Variants in ZNF536 observed in about 807,000 individuals in gnomAD.
The protein encoded by ZNF536 is zinc finger protein 536.
A neutral mutation model predicts 84.5 loss-of-function variants in ZNF536; 13 were observed. The ratio of observed to expected loss-of-function variants is 0.15; its 90% CI spans 0.10 to 0.24. The LOEUF (loss-of-function observed/expected upper bound fraction) is 0.24, where lower values mean the gene tolerates loss of function less well. Ranked by LOEUF, ZNF536 falls within the 10% of genes least tolerant of loss-of-function variation. The pLI is 1.00. For missense variants in ZNF536, 1,536 were observed against 1,747.5 expected (o/e 0.88, Z 2.16); for synonymous variants, 811 against 742.5 (o/e 1.09, Z -1.50).
intron 1 of ZNF536, among the ~76,000 whole-genome samples, chr19:30,432,848 G>T (rs2051538354): frequency 1.3e-5 from 2 of 152,144 alleles, no homozygotes; most frequent in Non-Finnish European, 2.9e-5. Context: ...TATAGTTGGT[G>T]GCTGCCCTAG....
At chr19:30,559,533 G>A (rs1286261626), downstream of ZNF536, among the ~76,000 whole-genome samples, 4 of 152,196 alleles carry the variant, frequency 2.6e-5, no homozygotes, top group Non-Finnish European at 4.4e-5. Flanking sequence ...TCTGTCCAGG[G>A]CTGAGCACAC....
At chr19:30,666,456 G>GA (rs2050323253) in intron 1 of ZNF536, among the ~76,000 whole-genome samples, 2 of 151,958 alleles carry the variant, frequency 1.3e-5, no homozygotes, top group African/African-American at 2.4e-5. Flanking sequence ...CTCTGCTGGG[G>GA]ATCCCGGCAG....
chr19:30,465,750 ATTATT>A (rs2053359013), intron 2 of ZNF536, among the ~76,000 whole-genome samples: 1 of 151,628 alleles, frequency 6.6e-6, no homozygotes, highest in Non-Finnish European at 1.5e-5. Flanking sequence ...ATTTTATTTT[ATTATT>A]TTATTTTATT....
At chr19:30,565,295 G>A (rs1470336127) in intron 1 of ZNF536, among the ~76,000 whole-genome samples, 3 of 151,990 alleles carry the variant, frequency 2.0e-5, no homozygotes, top group South Asian at 2.1e-4. Flanking sequence ...AGTGAATGAC[G>A]GCTCCATCTA....
intron 1 of ZNF536, among the ~76,000 whole-genome samples, chr19:30,262,543 C>T (rs2025282162): frequency 6.6e-6 from 1 of 152,230 alleles, no homozygotes. Context: ...AGTTATGCCA[C>T]TGCCTCTGCG....
At chr19:30,451,094 G>A (rs1341442727) in intron 2 of ZNF536, among the ~76,000 whole-genome samples, 1 of 152,260 alleles carries the variant, frequency 6.6e-6, no homozygotes, top group African/African-American at 2.4e-5. Context: ...TGAGCTGAGA[G>A]CCGAGAGCTG....
chr19:30,299,913 T>C (rs974491999), intron 2 of ZNF536, among the ~76,000 whole-genome samples: 1 of 152,160 alleles, frequency 6.6e-6, no homozygotes, highest in Non-Finnish European at 1.5e-5. Context: ...TGAAAAATCA[T>C]AAAATGCCTA....
chr19:30,552,468 A>C (rs577103860), intron 4 of ZNF536, among the ~76,000 whole-genome samples: 15 of 152,324 alleles, frequency 9.8e-5, no homozygotes, highest in African/African-American at 3.4e-4. Flanking sequence ...CAAGCATCAG[A>C]AATACCTAGT....
chr19:30,381,648 C>T (rs1235836890), intron 1 of ZNF536, among the ~76,000 whole-genome samples: 1 of 152,172 alleles, frequency 6.6e-6, no homozygotes, highest in Non-Finnish European at 1.5e-5. Context: ...GGTCCCAGAG[C>T]CTTTGCACCA....
chr19:30,305,710 G>C (rs2046321896), intron 2 of ZNF536, among the ~76,000 whole-genome samples: 1 of 152,192 alleles, frequency 6.6e-6, no homozygotes, highest in South Asian at 2.1e-4. Context: ...TGGGGTTTGG[G>C]AGCCCACTGT....
chr19:30,370,116 C>CTAA (rs137911608), upstream of ZNF536, among the ~76,000 whole-genome samples: 25 of 152,268 alleles, frequency 1.6e-4, no homozygotes, highest in African/African-American at 6.0e-4. Flanking sequence ...AAACAGTTCT[C>CTAA]CATTTATCTG....
intron 1 of ZNF536, among the ~76,000 whole-genome samples, chr19:30,572,103 G>A (rs1282633651): frequency 2.6e-5 from 4 of 152,152 alleles, no homozygotes; most frequent in Admixed American, 6.5e-5. Context: ...GGTTTAATGC[G>A]GCCCTAACTG....
intron 4 of ZNF536, among the ~76,000 whole-genome samples, chr19:30,553,531 C>G (rs1333794488): frequency 1.3e-5 from 2 of 152,128 alleles, no homozygotes; most frequent in African/African-American, 4.8e-5. Context: ...TTTGGTGGAC[C>G]CAGGGGTAGG....
intron 1 of ZNF536, among the ~76,000 whole-genome samples, chr19:30,572,002 G>T (rs747368474): frequency 6.6e-6 from 1 of 152,160 alleles, no homozygotes; most frequent in African/African-American, 2.4e-5. Context: ...AGCAAGGAAG[G>T]TGTTTGTGTG....
chr19:30,522,262 C>CACATATATAT, intron 2 of ZNF536, among the ~76,000 whole-genome samples: 1 of 7,636 alleles, frequency 1.3e-4, no homozygotes, highest in Non-Finnish European at 1.9e-4. Flanking sequence ...GATATATATA[C>CACATATATAT]ATATATATAT....
At chr19:30,392,222 T>A (rs978007599) in intron 1 of ZNF536, among the ~76,000 whole-genome samples, 1 of 152,148 alleles carries the variant, frequency 6.6e-6, no homozygotes, top group African/African-American at 2.4e-5. Context: ...AGCGCTCTCA[T>A]GGGTCTCCTC....
At chr19:30,435,197 CTGATGATGGTGA>C (rs1198689194) in intron 1 of ZNF536, among the ~76,000 whole-genome samples, 6 of 135,252 alleles carry the variant, frequency 4.4e-5, no homozygotes, top group Non-Finnish European at 6.4e-5. Flanking sequence ...GATGATGATG[CTGATGATGGTGA>C]TGATGATGGT....
At position 30,658,444 on chromosome 19, in the gene ZNF536, C is replaced by T. The variant is rs554970838; in HGVS notation, c.170-52313C>T. On this transcript the variant is annotated intron_variant, in intron 1 of 1. Coordinates refer to the ZNF536 transcript ENST00000592773. ...TGCTCCAACCCACAGATCTTCTCTC[C>T]GATCTTTAAATCGGTATCCCAGCTC... Among the ~76,000 whole-genome samples, 11 of 152,178 alleles carry T rather than the reference C, an allele frequency of 7.2e-5. No individual in the cohort carries two copies. The South Asian group carries it at 1.2e-3, about 17-fold the overall frequency.
intron 2 of ZNF536, among the ~76,000 whole-genome samples, chr19:30,452,812 C>T (rs1247851475): frequency 6.6e-6 from 1 of 152,112 alleles, no homozygotes; most frequent in Non-Finnish European, 1.5e-5. Flanking sequence ...CTGTTTGCTG[C>T]CCTTCTGGGT....
Sources: gnomAD v4.1 joint callset for allele counts (sites outside exome capture counted in the v4.1 genomes callset) on GRCh38, gnomAD v4.1.1 for gene constraint, MANE v1.5 for transcripts, NCBI Gene and HGNC (gene_info 2026-07-23, HGNC 2026-07-21) for gene names.